Variants in CDKAL1 observed in about 807,000 individuals in gnomAD.
CDKAL1 encodes threonylcarbamoyladenosine tRNA methylthiotransferase.
In CDKAL1, 32 loss-of-function variants were observed where a neutral mutation model predicts 68.2. That is an observed-to-expected ratio of 0.47 (90% CI 0.35 to 0.63). The LOEUF (loss-of-function observed/expected upper bound fraction) is 0.63, where lower values mean the gene tolerates loss of function less well. CDKAL1 is among the 30% of genes least tolerant of loss of function. The probability of loss-of-function intolerance (pLI) is 0.00; values close to 1 mark genes in which losing one functional copy is unlikely to be tolerated. For missense variants in CDKAL1, 606 were observed against 696.7 expected (o/e 0.87, Z 1.47); for synonymous variants, 234 against 244.3 (o/e 0.96, Z 0.39).
chr6:20,631,944 CTTTTA>C (rs1767692732), intron 4 of CDKAL1, among the ~76,000 whole-genome samples: 1 of 152,152 alleles, frequency 6.6e-6, no homozygotes. Flanking sequence ...GGTGCATTTT[CTTTTA>C]TTTTTTCTTT....
At chr6:21,100,212 C>T (rs1328834826) in intron 12 of CDKAL1, among the ~76,000 whole-genome samples, 1 of 152,142 alleles carries the variant, frequency 6.6e-6, no homozygotes, top group Non-Finnish European at 1.5e-5. Context: ...AAAGTATTTC[C>T]CACTGATATC....
chr6:20,687,058 G>A (rs1770659779), intron 5 of CDKAL1, among the ~76,000 whole-genome samples: 1 of 152,100 alleles, frequency 6.6e-6, no homozygotes. Context: ...TAGTCATGGT[G>A]TATAATTCTT....
chr6:21,212,757 G>A (rs936764768), intron 15 of CDKAL1, among the ~76,000 whole-genome samples: 1 of 152,054 alleles, frequency 6.6e-6, no homozygotes. Flanking sequence ...TTGCTTATAT[G>A]CATGCAAGCA....
chr6:21,152,066 G>A (rs909137256), intron 13 of CDKAL1, among the ~76,000 whole-genome samples: 2 of 152,204 alleles, frequency 1.3e-5, no homozygotes, highest in East Asian at 1.9e-4. Flanking sequence ...CACTAAGTGC[G>A]AAGATGGAGA....
At chr6:20,581,009 G>A (rs1164029075) in intron 4 of CDKAL1, among the ~76,000 whole-genome samples, 1 of 152,084 alleles carries the variant, frequency 6.6e-6, no homozygotes, top group African/African-American at 2.4e-5. Flanking sequence ...GGCTGGTTTC[G>A]AACTCCCGAC....
At chr6:20,722,572 A>G (rs1772432372) in intron 5 of CDKAL1, 7 of 284,234 alleles carry the variant, frequency 2.5e-5, no homozygotes, top group South Asian at 4.3e-5. Flanking sequence ...GAATCCTTGT[A>G]GTAGAGGCAG....
chr6:20,854,298 C>T (rs1425800262), intron 9 of CDKAL1, among the ~76,000 whole-genome samples: 1 of 152,176 alleles, frequency 6.6e-6, no homozygotes, highest in Non-Finnish European at 1.5e-5. Context: ...AGGATGAGAT[C>T]TACTTGCTGT....
chr6:21,067,156 C>T (rs1000211532), intron 12 of CDKAL1, among the ~76,000 whole-genome samples: 3 of 152,094 alleles, frequency 2.0e-5, no homozygotes, highest in African/African-American at 7.2e-5. Context: ...AATTGAACAT[C>T]ACCAAGTACC....
At chr6:20,804,570 G>A (rs1003103340) in intron 8 of CDKAL1, among the ~76,000 whole-genome samples, 4 of 152,274 alleles carry the variant, frequency 2.6e-5, no homozygotes, top group Admixed American at 6.5e-5. Flanking sequence ...ACTATTTATG[G>A]ATATTTTTAA....
At chr6:20,640,303 A>C (rs1045423381) in intron 4 of CDKAL1, among the ~76,000 whole-genome samples, 33 of 152,050 alleles carry the variant, frequency 2.2e-4, no homozygotes, top group African/African-American at 7.7e-4. Context: ...GACTCCTTTT[A>C]TTGTTTTGTG....
Position 20,539,095 on chromosome 6 carries a change from A to G in CDKAL1, c.-6+3701A>G, listed in dbSNP as rs776482802. ...TTGGGCAGCGTGGTTATTTTAGATAAGGTAGTAGGAAAGGCCTCTCCGAGG... is the reference window on the plus strand; with the variant it reads ...TTGGGCAGCGTGGTTATTTTAGATAGGGTAGTAGGAAAGGCCTCTCCGAGG... On this transcript the variant is annotated intron_variant, in intron 2 of 15. Coordinates refer to ENST00000274695, the MANE Select transcript of CDKAL1 (RefSeq NM_017774.3). This position sits in a 1 kb window ranked among gnomAD's most constrained non-coding sequence, Gnocchi z 4.3. Among the ~76,000 whole-genome samples, 14 of 152,214 alleles carry G rather than the reference A, an allele frequency of 9.2e-5. No homozygotes were observed. Among genetic ancestry groups the G allele is most frequent in the Non-Finnish European group, 1.6e-4 (11 of 68,024 alleles).
intron 15 of CDKAL1, among the ~76,000 whole-genome samples, chr6:21,218,586 T>C (rs1779423359): frequency 6.6e-6 from 1 of 152,134 alleles, no homozygotes; most frequent in Admixed American, 6.5e-5. Context: ...CAGGATTCAG[T>C]TTCTCATGGG....
chr6:20,900,044 T>C (rs902922943), intron 9 of CDKAL1, among the ~76,000 whole-genome samples: 1 of 152,204 alleles, frequency 6.6e-6, no homozygotes, highest in Admixed American at 6.5e-5. Flanking sequence ...GCACCCTCTG[T>C]TCTTACTATT....
intron 8 of CDKAL1, among the ~76,000 whole-genome samples, chr6:20,797,877 C>G (rs758527027): frequency 6.7e-6 from 1 of 150,240 alleles, no homozygotes; most frequent in African/African-American, 2.5e-5. Flanking sequence ...AGTATAGTGG[C>G]GCAACCACGG....
At chr6:20,604,865 A>C (rs956813132) in intron 4 of CDKAL1, among the ~76,000 whole-genome samples, 2 of 152,260 alleles carry the variant, frequency 1.3e-5, no homozygotes, top group African/African-American at 4.8e-5. Flanking sequence ...TGTTACACCT[A>C]GTAACTCACT....
chr6:20,702,643 G>C (rs1255278794), intron 5 of CDKAL1, among the ~76,000 whole-genome samples: 1 of 152,072 alleles, frequency 6.6e-6, no homozygotes, highest in Non-Finnish European at 1.5e-5. Flanking sequence ...ACGTCCTCTC[G>C]ATATCCAGCC....
At chr6:21,018,490 A>G (rs911607794) in intron 11 of CDKAL1, among the ~76,000 whole-genome samples, 1 of 152,174 alleles carries the variant, frequency 6.6e-6, no homozygotes, top group Non-Finnish European at 1.5e-5. Context: ...TGCTATTTTC[A>G]CTGATGTCTA....
intron 4 of CDKAL1, among the ~76,000 whole-genome samples, chr6:20,645,431 T>C (rs552324561): frequency 1.3e-5 from 2 of 152,122 alleles, no homozygotes; most frequent in Non-Finnish European, 2.9e-5. Flanking sequence ...GTGTTTAAAA[T>C]TAAATTTTAT....
rs137962907 is a variant in CDKAL1 at position 20,683,657 on chromosome 6, G to A, written c.371+34280G>A. ...CCCACATATCTGCAGCCTCTCCCAT[G>A]ATCAGTATCCCCCATCAGAATGGTA... On this transcript the variant is annotated intron_variant, in intron 5 of 15. Transcript: ENST00000274695. Among the ~76,000 whole-genome samples the A allele has an allele frequency of 3.8e-4, 58 of 152,260 alleles. No individual in the cohort carries two copies. The East Asian group carries it at 0.011, about 28-fold the overall frequency.
Sources: gnomAD v4.1 joint callset for allele counts (sites outside exome capture counted in the v4.1 genomes callset) on GRCh38, gnomAD v4.1.1 for gene constraint, Gnocchi (gnomAD v3.1) non-coding constraint, MANE v1.5 for transcripts, NCBI Gene and HGNC (gene_info 2026-07-23, HGNC 2026-07-21) for gene names.